Variants in SV2C observed in about 807,000 individuals in gnomAD.
SV2C encodes the protein solute carrier family 22 member B3.
SV2C carries 49 observed loss-of-function variants against 79.7 expected under a neutral mutation model. The ratio of observed to expected loss-of-function variants is 0.61; its 90% CI spans 0.49 to 0.78. SV2C has a LOEUF of 0.78. Among genes scored for constraint, SV2C ranks in the 30% least tolerant of loss-of-function variants. The pLI, the probability that SV2C is intolerant of heterozygous loss-of-function variation, is 0.00. For synonymous variants in SV2C, 334 were observed against 333.2 expected, an observed-to-expected ratio of 1.00 and a Z score of -0.03; for missense variants, 833 against 912.9, an observed-to-expected ratio of 0.91 and a Z score of 1.13.
At chr5:75,993,922 G>A in the SV2C span, among the ~76,000 whole-genome samples, 1 of 152,020 alleles carries the variant, frequency 6.6e-6, no homozygotes, top group African/African-American at 2.4e-5. Flanking sequence ...GATTTAGAAG[G>A]GGATGGAAAG....
At chr5:75,997,568 C>T in the SV2C span, among the ~76,000 whole-genome samples, 1 of 152,132 alleles carries the variant, frequency 6.6e-6, no homozygotes, top group Admixed American at 6.5e-5. Context: ...GACATTTATG[C>T]AACCAAAACA....
At chr5:76,126,735 G>T (rs994630561) in intron 1 of SV2C, among the ~76,000 whole-genome samples, 1 of 151,944 alleles carries the variant, frequency 6.6e-6, no homozygotes, top group Non-Finnish European at 1.5e-5. Context: ...TGCTGGCATG[G>T]GGGCTGCCTT....
At chr5:75,938,740 G>A in the SV2C span, among the ~76,000 whole-genome samples, 1 of 152,050 alleles carries the variant, frequency 6.6e-6, no homozygotes, top group Non-Finnish European at 1.5e-5. Flanking sequence ...TTGATAATTT[G>A]ACAACCTGTA....
the SV2C span, among the ~76,000 whole-genome samples, chr5:75,917,046 G>A: frequency 6.6e-6 from 1 of 152,184 alleles, no homozygotes; most frequent in South Asian, 2.1e-4. Context: ...AACAGGACTT[G>A]CTTGGTAACA....
the SV2C span, among the ~76,000 whole-genome samples, chr5:75,944,107 T>A: frequency 6.6e-6 from 1 of 152,078 alleles, no homozygotes; most frequent in Non-Finnish European, 1.5e-5. Flanking sequence ...AACCTCAAAA[T>A]CCTGGGCTCA....
Position 76,299,070 on chromosome 5 carries a change from A to G in SV2C, c.1636+143A>G, listed in dbSNP as rs566604566. On this transcript the variant is annotated intron_variant, in intron 10 of 12. Transcript: ENST00000502798. ...GAACAAGTTCTCTAAATCAGGTTGG[A>G]TCAAAGGTTGGCTTGTATTGTTTGT... The G allele has an allele frequency of 5.8e-4, 634 of 1,085,278 alleles. 4 individuals are homozygous for G. In the Middle Eastern group the frequency reaches 9.6e-3, roughly 16 times the overall value. The allele number at this position is 1,085,278 out of a possible 1,614,324, so 67.2% of individuals were successfully genotyped here.
At chr5:75,886,782 G>T in the SV2C span, among the ~76,000 whole-genome samples, 1 of 152,104 alleles carries the variant, frequency 6.6e-6, no homozygotes, top group Non-Finnish European at 1.5e-5. Flanking sequence ...TTGAGACTTT[G>T]AAATAGTGTA....
intron 2 of SV2C, among the ~76,000 whole-genome samples, chr5:76,149,392 A>G (rs996520270): frequency 6.6e-6 from 1 of 152,182 alleles, no homozygotes. Context: ...GATACTGCAG[A>G]CCTGGAGTGG....
In SV2C at chr5:76,227,364, A is replaced by T. The variant is rs1036587205; in HGVS notation, c.913+17477A>T. On this transcript the variant is annotated intron_variant, in intron 4 of 12. Coordinates refer to ENST00000502798, the MANE Select transcript of SV2C (RefSeq NM_014979.4). ...TAGTGGACCGAGGGTGGGGTTCCAC[A>T]AACATAGAGAAAGAAAAGCTGTAGA... Among the ~76,000 whole-genome samples, 8 of 152,154 alleles carry T rather than the reference A, an allele frequency of 5.3e-5. No individual in the cohort carries two copies. The East Asian group carries it at 1.5e-3, about 29-fold the overall frequency.
At chr5:76,150,997 T>C (rs919897527) in intron 2 of SV2C, among the ~76,000 whole-genome samples, 2 of 152,136 alleles carry the variant, frequency 1.3e-5, no homozygotes, top group African/African-American at 4.8e-5. Flanking sequence ...GTATGGCAAA[T>C]ACAAAGATCA....
At chr5:76,310,340 C>T (rs1156237317) in intron 12 of SV2C, among the ~76,000 whole-genome samples, 1 of 152,170 alleles carries the variant, frequency 6.6e-6, no homozygotes. Flanking sequence ...GTAAAGCTGA[C>T]ATTTGAGCAA....
At chr5:76,339,115 AT>A (rs1484240809) in intron 12 of SV2C, among the ~76,000 whole-genome samples, 1 of 152,184 alleles carries the variant, frequency 6.6e-6, no homozygotes. Context: ...AAGAAAAATA[AT>A]ACAAAATTAC....
At chr5:75,911,474 C>G in the SV2C span, 8 of 851,626 alleles carry the variant, frequency 9.4e-6, no homozygotes, top group East Asian at 1.5e-4. Context: ...GGGAACATAC[C>G]CTCCAGTCCT....
chr5:76,059,429 G>A, the SV2C span, among the ~76,000 whole-genome samples: 2 of 151,840 alleles, frequency 1.3e-5, no homozygotes, highest in Non-Finnish European at 2.9e-5. Flanking sequence ...ATCCTTTGTT[G>A]TCATTTCAGC....
intron 4 of SV2C, among the ~76,000 whole-genome samples, chr5:76,266,107 G>A (rs968741987): frequency 6.6e-6 from 1 of 152,068 alleles, no homozygotes; most frequent in Non-Finnish European, 1.5e-5. Flanking sequence ...GAAAGATGCT[G>A]AGAAAAGAAA....
At chr5:76,010,301 G>A in the SV2C span, among the ~76,000 whole-genome samples, 74 of 152,184 alleles carry the variant, frequency 4.9e-4, no homozygotes, top group Admixed American at 3.1e-3. Flanking sequence ...ATGCCTGCTC[G>A]TCAGGGTGGG....
chr5:76,056,017 C>T, the SV2C span, among the ~76,000 whole-genome samples: 6 of 152,168 alleles, frequency 3.9e-5, no homozygotes, highest in African/African-American at 1.2e-4. Context: ...CTGGCCAGAA[C>T]TTCCAATACT....
At chr5:76,278,169 AT>A (rs1554044817) in intron 4 of SV2C, among the ~76,000 whole-genome samples, 3 of 149,492 alleles carry the variant, frequency 2.0e-5, no homozygotes, top group African/African-American at 7.4e-5. Flanking sequence ...TCATGTACAC[AT>A]TGTGTGTGTG....
intron 1 of SV2C, among the ~76,000 whole-genome samples, chr5:76,097,189 T>C (rs1580263149): frequency 6.6e-6 from 1 of 152,178 alleles, no homozygotes; most frequent in Admixed American, 6.5e-5. Context: ...CCAGCAGATA[T>C]CTATTTAGGT....
Sources: allele counts gnomAD v4.1 joint callset (sites outside exome capture counted in the v4.1 genomes callset), GRCh38; gene constraint gnomAD v4.1.1; transcripts MANE v1.5; gene names NCBI Gene and HGNC (gene_info 2026-07-23, HGNC 2026-07-21).